Variants in CSMD1 observed in about 807,000 individuals in gnomAD.
The protein encoded by CSMD1 is CUB and Sushi multiple domains 1.
CSMD1 carries 213 observed loss-of-function variants against 417.5 expected under a neutral mutation model. That is an observed-to-expected ratio of 0.51 (90% CI 0.46 to 0.57). The LOEUF (loss-of-function observed/expected upper bound fraction) is 0.57, where lower values mean the gene tolerates loss of function less well. Ranked by LOEUF, CSMD1 falls within the 20% of genes least tolerant of loss-of-function variation. The pLI, the probability that CSMD1 is intolerant of heterozygous loss-of-function variation, is 0.00. For synonymous variants in CSMD1, 2,862 were observed against 1,736.8 expected (o/e 1.65, Z -16.11); for missense variants, 6,923 against 4,529.7 (o/e 1.53, Z -15.17).
At chr8:4,481,638 C>A (rs1454135123) in intron 2 of CSMD1, among the ~76,000 whole-genome samples, 1 of 152,116 alleles carries the variant, frequency 6.6e-6, no homozygotes, top group African/African-American at 2.4e-5. Context: ...GAAATAAAAG[C>A]ACCAAGAGGT....
At chr8:4,370,998 T>A (rs73175778) in intron 3 of CSMD1, among the ~76,000 whole-genome samples, 2 of 152,222 alleles carry the variant, frequency 1.3e-5, no homozygotes, top group African/African-American at 4.8e-5. Context: ...GAAGACACAC[T>A]GACCTTTAGT....
intron 3 of CSMD1, among the ~76,000 whole-genome samples, chr8:4,297,772 G>C (rs147622888): frequency 6.6e-6 from 1 of 152,144 alleles, no homozygotes; most frequent in South Asian, 2.1e-4. Flanking sequence ...CATCCTGTGA[G>C]AGGTGATACA....
At chr8:3,804,661 G>C (rs556372286) in intron 5 of CSMD1, among the ~76,000 whole-genome samples, 163 of 152,080 alleles carry the variant, frequency 1.1e-3, no homozygotes, top group South Asian at 0.01. Context: ...AAATAGAAGT[G>C]AAAGAAAAAT....
At chr8:4,897,474 G>A (rs759530028) in intron 1 of CSMD1, among the ~76,000 whole-genome samples, 1 of 151,946 alleles carries the variant, frequency 6.6e-6, no homozygotes, top group Middle Eastern at 3.2e-3. Context: ...TTTAAGGAGT[G>A]GTTTGGGTTG....
rs1207966515 is a variant in CSMD1, at chr8:4,448,464, A to C, written c.303-28399T>G. Among the ~76,000 whole-genome samples, 3 of 152,220 alleles carry C rather than the reference A, an allele frequency of 2.0e-5. No individual in the cohort carries two copies. The South Asian group carries it at 6.2e-4, about 31-fold the overall frequency. Reference sequence around the variant, plus strand: ...TCACTGTGGAGCTATTTTCCCTTAAATACTTTCCCAGACAACAGCAGAAAG... The same window carrying C: ...TCACTGTGGAGCTATTTTCCCTTAACTACTTTCCCAGACAACAGCAGAAAG... On this transcript the variant is annotated intron_variant, in intron 2 of 69. Transcript: ENST00000635120.
At chr8:4,274,097 G>C (rs976811089) in intron 3 of CSMD1, among the ~76,000 whole-genome samples, 1 of 152,056 alleles carries the variant, frequency 6.6e-6, no homozygotes, top group African/African-American at 2.4e-5. Flanking sequence ...TTACTATATG[G>C]AACATATTAA....
At chr8:4,314,015 A>G (rs575986870) in intron 3 of CSMD1, among the ~76,000 whole-genome samples, 4 of 150,220 alleles carry the variant, frequency 2.7e-5, no homozygotes, top group African/African-American at 9.8e-5. Flanking sequence ...ATCCGTCTCA[A>G]AATAATAATA....
At chr8:3,479,360 A>T (rs183183874) in intron 11 of CSMD1, among the ~76,000 whole-genome samples, 1,883 of 152,240 alleles carry the variant, frequency 0.012, 13 homozygotes, top group Middle Eastern at 0.041. Context: ...GGCTCACCGC[A>T]ACCTCCGCCT....
intron 5 of CSMD1, among the ~76,000 whole-genome samples, chr8:3,877,020 G>C (rs911336250): frequency 6.6e-6 from 1 of 152,204 alleles, no homozygotes; most frequent in East Asian, 1.9e-4. Context: ...TGAAATGTGA[G>C]CATTTTCATT....
intron 2 of CSMD1, among the ~76,000 whole-genome samples, chr8:4,610,068 T>C (rs550027481): frequency 6.6e-6 from 1 of 152,280 alleles, no homozygotes; most frequent in East Asian, 1.9e-4. Context: ...ATCCAAATTC[T>C]TGCTATAAGG....
chr8:4,190,887 G>T (rs73658448), intron 3 of CSMD1, among the ~76,000 whole-genome samples: 19 of 151,416 alleles, frequency 1.3e-4, no homozygotes, highest in African/African-American at 4.6e-4. Context: ...TTCTAAGAGG[G>T]AGCTAAATTG....
intron 51 of CSMD1, among the ~76,000 whole-genome samples, chr8:3,025,727 C>A (rs998538424): frequency 6.6e-6 from 1 of 152,148 alleles, no homozygotes; most frequent in African/African-American, 2.4e-5. Flanking sequence ...CATTAAGGGG[C>A]TTTGAAAAAT....
chr8:3,952,705 C>G (rs568218240), intron 5 of CSMD1, among the ~76,000 whole-genome samples: 5 of 152,264 alleles, frequency 3.3e-5, no homozygotes, highest in African/African-American at 9.6e-5. Flanking sequence ...TGTGAATACA[C>G]TAGATGTCAC....
chr8:3,914,043 A>G (rs1043352153), intron 5 of CSMD1, among the ~76,000 whole-genome samples: 2 of 152,202 alleles, frequency 1.3e-5, no homozygotes, highest in Non-Finnish European at 2.9e-5. Context: ...AGTTAAAGAA[A>G]AAGTAATATT....
chr8:4,725,882 G>A (rs900629615), intron 1 of CSMD1, among the ~76,000 whole-genome samples: 1 of 152,092 alleles, frequency 6.6e-6, no homozygotes, highest in Non-Finnish European at 1.5e-5. Flanking sequence ...TGTAGACCCT[G>A]GTTGTGGGAC....
chr8:4,787,297 C>A, intron 1 of CSMD1: 3 of 686,346 alleles, frequency 4.4e-6, no homozygotes, highest in Admixed American at 2.2e-5. Context: ...GCCTCACTTA[C>A]CGGCGCGGTC....
At chr8:4,958,069 A>G (rs1321809156) in intron 1 of CSMD1, among the ~76,000 whole-genome samples, 1 of 152,176 alleles carries the variant, frequency 6.6e-6, no homozygotes, top group Non-Finnish European at 1.5e-5. Flanking sequence ...AGGGAGCTTC[A>G]TGTATTTGAG....
At chr8:4,142,815 T>G (rs1803871650) in intron 3 of CSMD1, among the ~76,000 whole-genome samples, 1 of 151,136 alleles carries the variant, frequency 6.6e-6, no homozygotes, top group Non-Finnish European at 1.5e-5. Context: ...TTTAAAAGCC[T>G]AACAGAGGAA....
At chr8:3,962,462 T>C (rs1812394411) in intron 5 of CSMD1, among the ~76,000 whole-genome samples, 1 of 152,136 alleles carries the variant, frequency 6.6e-6, no homozygotes, top group South Asian at 2.1e-4. Context: ...AGCATGGATC[T>C]CCTTGGATGT....
Sources: allele counts gnomAD v4.1 joint callset (sites outside exome capture counted in the v4.1 genomes callset), GRCh38; gene constraint gnomAD v4.1.1; transcripts MANE v1.5; gene names NCBI Gene and HGNC (gene_info 2026-07-23, HGNC 2026-07-21).